The following RPS6KB1 variants were observed in gnomAD, a reference collection of about 807,000 sequenced individuals.
RPS6KB1 encodes the protein ribosomal protein S6 kinase beta-1.
In RPS6KB1, 12 loss-of-function variants were observed where a neutral mutation model predicts 70.2. The observed-to-expected ratio is 0.17, with a 90% CI of 0.11 to 0.28. The LOEUF (loss-of-function observed/expected upper bound fraction) is 0.28, where lower values mean the gene tolerates loss of function less well. RPS6KB1 is among the 10% of genes least tolerant of loss of function. The pLI is 1.00. For synonymous variants in RPS6KB1, 175 were observed against 211.2 expected (o/e 0.83, Z 1.49); for missense variants, 270 against 646.6 (o/e 0.42, Z 6.32).
At chr17:59,943,902 A>G (rs1055097444) in intron 13 of RPS6KB1, among the ~76,000 whole-genome samples, 2 of 138,966 alleles carry the variant, frequency 1.4e-5, no homozygotes, top group African/African-American at 2.6e-5. Context: ...ATATATATAT[A>G]TATACACATA....
intron 1 of RPS6KB1, among the ~76,000 whole-genome samples, chr17:59,897,720 A>T (rs1349166879): frequency 2.0e-5 from 3 of 152,182 alleles, no homozygotes; most frequent in Admixed American, 6.6e-5. Flanking sequence ...TAATCCCAGC[A>T]CTTTGGGAGG....
chr17:59,905,964 A>G (rs1025031069), intron 1 of RPS6KB1, among the ~76,000 whole-genome samples: 3 of 151,972 alleles, frequency 2.0e-5, no homozygotes, highest in Non-Finnish European at 4.4e-5. Flanking sequence ...CTCGAGTTTT[A>G]TAGTTTTAGC....
At chr17:59,928,873 T>A (rs984891860) in intron 5 of RPS6KB1, among the ~76,000 whole-genome samples, 2 of 152,188 alleles carry the variant, frequency 1.3e-5, no homozygotes, top group African/African-American at 4.8e-5. Context: ...GTTTCCTTAG[T>A]ATTAGATTCA....
At chr17:59,936,855 C>T (rs2044275158) in intron 12 of RPS6KB1, among the ~76,000 whole-genome samples, 1 of 152,080 alleles carries the variant, frequency 6.6e-6, no homozygotes, top group Non-Finnish European at 1.5e-5. Context: ...TCCTCTCCAG[C>T]ATCTTTATTT....
intron 1 of RPS6KB1, among the ~76,000 whole-genome samples, chr17:59,908,909 C>T (rs1398867393): frequency 1.4e-5 from 2 of 139,954 alleles, no homozygotes; most frequent in Admixed American, 7.3e-5. Context: ...TGAGCCACCG[C>T]GCCCGGCCAA....
rs1240254791 is a variant in RPS6KB1 at position 59,941,891 on chromosome 17, C to T, written c.1227+948C>T. Among the ~76,000 whole-genome samples the T allele has an allele frequency of 2.8e-5, 4 of 144,870 alleles. No homozygotes were observed. The East Asian group carries it at 8.1e-4, about 29-fold the overall frequency. ...TTTTTTTTTTTGAGAAGGAGTCTCG[C>T]TCTGTCGCCCAGGTTGGAGTGCAGT... is the stretch of plus-strand genomic sequence containing the variant. On this transcript the variant is annotated intron_variant, in intron 13 of 14. Coordinates refer to ENST00000225577, the MANE Select transcript of RPS6KB1 (RefSeq NM_003161.4).
chr17:59,923,143 T>C (rs1183569767), intron 4 of RPS6KB1, among the ~76,000 whole-genome samples: 1 of 151,706 alleles, frequency 6.6e-6, no homozygotes, highest in East Asian at 1.9e-4. Flanking sequence ...ATGACAGGCA[T>C]GAGCCACCGC....
At chr17:59,929,440 T>C (rs1292454889) in intron 5 of RPS6KB1, among the ~76,000 whole-genome samples, 1 of 152,218 alleles carries the variant, frequency 6.6e-6, no homozygotes, top group Non-Finnish European at 1.5e-5. Context: ...CCTGCAACAA[T>C]TAATTGTGAT....
intron 4 of RPS6KB1, among the ~76,000 whole-genome samples, chr17:59,916,887 T>C (rs60283440): frequency 0.13 from 19,928 of 152,180 alleles, 1,565 homozygotes; most frequent in Middle Eastern, 0.22. Flanking sequence ...AGAATTTCTT[T>C]ACATTTTTAT....
intron 1 of RPS6KB1, among the ~76,000 whole-genome samples, chr17:59,903,623 C>T (rs540692315): frequency 1.2e-4 from 18 of 152,220 alleles, no homozygotes; most frequent in African/African-American, 4.3e-4. Flanking sequence ...TTTTAAGAGA[C>T]GAACTTTTCC....
Position 59,893,153 on chromosome 17 carries a change from G to T in RPS6KB1, c.-32G>T. The T allele has an allele frequency of 6.2e-7, 1 of 1,600,342 alleles. No homozygotes were observed. Among genetic ancestry groups the T allele is most frequent in the South Asian group, 1.1e-5 (1 of 89,176 alleles). On this transcript the variant is annotated 5_prime_UTR_variant, in exon 1 of 15. Transcript: ENST00000225577. This position sits in a 1 kb window ranked among gnomAD's most constrained non-coding sequence, Gnocchi z 4.1. ...GCCTAAGCAGCCGGTGATGGCGGCAGCGGCTGTGGTGGCTGCGGCGGGTCC... is the reference window on the plus strand; with the variant it reads ...GCCTAAGCAGCCGGTGATGGCGGCATCGGCTGTGGTGGCTGCGGCGGGTCC...
chr17:59,930,249 A>G lies in RPS6KB1; in HGVS notation c.587+75A>G. On this transcript the variant is annotated intron_variant, in intron 6 of 14. Coordinates refer to ENST00000225577, the MANE Select transcript of RPS6KB1 (RefSeq NM_003161.4). ...CCCCATTCCCACTATGGGCAGCCAC[A>G]TGATTCAGTAAATTGAGCTGGAGCC... 3 of 860,302 alleles carry G rather than the reference A, an allele frequency of 3.5e-6. No individual in the cohort carries two copies. In the South Asian group the frequency reaches 4.0e-5, roughly 11 times the overall value. 53.3% of individuals were successfully genotyped at this position (860,302 alleles called of 1,614,324 possible).
intron 10 of RPS6KB1, among the ~76,000 whole-genome samples, chr17:59,935,763 C>G (rs992430960): frequency 1.3e-5 from 2 of 151,826 alleles, no homozygotes; most frequent in African/African-American, 4.8e-5. Flanking sequence ...ATTACAGACC[C>G]TTAAACAATA....
chr17:59,901,053 T>G (rs903196056), intron 1 of RPS6KB1, among the ~76,000 whole-genome samples: 3 of 151,634 alleles, frequency 2.0e-5, no homozygotes, highest in African/African-American at 7.3e-5. Context: ...CCCAGCTACT[T>G]GGGAGACTGA....
In RPS6KB1 at chr17:59,934,346, C is replaced by T. The variant is rs1489339064; in HGVS notation, c.779+86C>T. On this transcript the variant is annotated intron_variant, in intron 8 of 14. Coordinates refer to ENST00000225577, the MANE Select transcript of RPS6KB1 (RefSeq NM_003161.4). The surrounding 1 kb of genome is among the most constrained non-coding windows in gnomAD (Gnocchi z 4.8). Reference sequence around the variant, plus strand: ...GAATAGTATCTGTTTTCTGTACCCTCATTGACTCTGTATATTGTTTTTAAA... The same window carrying T: ...GAATAGTATCTGTTTTCTGTACCCTTATTGACTCTGTATATTGTTTTTAAA... The T allele has an allele frequency of 1.6e-5, 23 of 1,450,290 alleles. No homozygotes were observed. The highest frequency in any genetic ancestry group is 4.6e-5 in the South Asian group (4 of 87,410). 89.8% of individuals were successfully genotyped at this position (1,450,290 alleles called of 1,614,324 possible).
chr17:59,947,022 C>G lies in RPS6KB1; in HGVS notation c.*234C>G. The G allele has an allele frequency of 7.4e-7, 1 of 1,351,214 alleles. No individual in the cohort carries two copies. The highest frequency in any genetic ancestry group is 1.6e-5 in the South Asian group (1 of 61,074). The allele number at this position is 1,351,214 out of a possible 1,614,324, so 83.7% of individuals were successfully genotyped here. A position where few individuals can be genotyped will look rare whatever the true frequency, so the allele number is the denominator to read the frequency against. ...TCTTAGGCACATCAATTAATTGATT[C>G]CTCGCGACATCTTCTCAACCTTATC... On this transcript the variant is annotated 3_prime_UTR_variant, in exon 15 of 15. Coordinates refer to ENST00000225577, the MANE Select transcript of RPS6KB1 (RefSeq NM_003161.4).
chr17:59,922,407 A>G (rs1025292177), intron 4 of RPS6KB1, among the ~76,000 whole-genome samples: 1 of 151,470 alleles, frequency 6.6e-6, no homozygotes, highest in African/African-American at 2.4e-5. Context: ...ATTCTGTCCT[A>G]TAATAATCTT....
chr17:59,915,145 C>T (rs762860940), intron 4 of RPS6KB1, among the ~76,000 whole-genome samples: 9 of 151,918 alleles, frequency 5.9e-5, no homozygotes, highest in African/African-American at 7.3e-5. Context: ...CATGCTGCCA[C>T]GCCCAGCTAC....
chr17:59,898,291 G>A (rs2041687429), intron 1 of RPS6KB1, among the ~76,000 whole-genome samples: 1 of 151,986 alleles, frequency 6.6e-6, no homozygotes, highest in South Asian at 2.1e-4. Flanking sequence ...TTCAGATTGG[G>A]ACATCAGATT....
Sources: gnomAD v4.1 joint callset for allele counts (sites outside exome capture counted in the v4.1 genomes callset) on GRCh38, gnomAD v4.1.1 for gene constraint, Gnocchi (gnomAD v3.1) non-coding constraint, MANE v1.5 for transcripts, NCBI Gene and HGNC (gene_info 2026-07-23, HGNC 2026-07-21) for gene names.